SUPT5H: variants seen among roughly 807,000 people sequenced by gnomAD.
SUPT5H encodes the protein transcription elongation factor SPT5.
SUPT5H carries 24 observed loss-of-function variants against 142.5 expected under a neutral mutation model. The ratio of observed to expected loss-of-function variants is 0.17; its 90% CI spans 0.12 to 0.24. SUPT5H has a LOEUF of 0.24. Ranked by LOEUF, SUPT5H falls within the 10% of genes least tolerant of loss-of-function variation. The pLI, the probability that SUPT5H is intolerant of heterozygous loss-of-function variation, is 1.00. For synonymous variants in SUPT5H, 546 were observed against 553.0 expected (o/e 0.99, Z 0.18); for missense variants, 893 against 1,471.8 (o/e 0.61, Z 6.43).
chr19:39,472,943 C>G lies in SUPT5H; in HGVS notation c.2155+14C>G. The G allele has an allele frequency of 6.2e-7, 1 of 1,611,372 alleles. No homozygotes were observed. The highest frequency in any genetic ancestry group is 8.5e-7 in the Non-Finnish European group (1 of 1,178,530). On this transcript the variant is annotated intron_variant, in intron 22 of 29. Coordinates refer to ENST00000432763, the MANE Select transcript of SUPT5H (RefSeq NM_001111020.3). The surrounding 1 kb of genome is among the most constrained non-coding windows in gnomAD (Gnocchi z 4.2). The stretch of plus-strand genomic sequence containing the variant: ...GGCCCTACAAAGGTGACCTGCGAGG[C>G]CTGTGGAGGCCTGGGGAGGGGCATG...
Position 39,456,511 on chromosome 19 carries a change from C to T in SUPT5H, c.242-1164C>T, listed in dbSNP as rs143529362. Among the ~76,000 whole-genome samples the T allele has an allele frequency of 1.7e-3, 252 of 151,768 alleles. 1 individual carries two copies. The highest frequency in any genetic ancestry group is 2.8e-3 in the Non-Finnish European group (188 of 67,878). ...TTGGCTCACTGCAACCTCCACCTCC[C>T]GGGTTCAAGCAATTCTCTGCCTCAG... is the stretch of plus-strand genomic sequence containing the variant. On this transcript the variant is annotated intron_variant, in intron 3 of 29. Coordinates refer to ENST00000432763, the MANE Select transcript of SUPT5H (RefSeq NM_001111020.3).
intron 28 of SUPT5H, chr19:39,475,084 A>T (rs1171268089): frequency 9.4e-6 from 3 of 318,070 alleles, no homozygotes; most frequent in African/African-American, 6.5e-5. Context: ...TGGCTGGAAC[A>T]TAAAGAGCCA....
In SUPT5H at chr19:39,468,879, G is replaced by T. The variant is rs2304218; in HGVS notation, c.1143+18G>T. 48,722 of 1,612,658 alleles carry T rather than the reference G, an allele frequency of 0.03. 824 individuals carry two copies. The highest frequency in any genetic ancestry group is 0.041 in the East Asian group (1,858 of 44,862). On this transcript the variant is annotated intron_variant, in intron 14 of 29. Coordinates refer to ENST00000432763, the MANE Select transcript of SUPT5H (RefSeq NM_001111020.3). ...CTGCTGTGGTGAGGGTCCCAGAGGG[G>T]TGTTGGTAATGGGGGTGGTGTGAGT...
Position 39,469,135 on chromosome 19 carries a change from A to G in SUPT5H, c.1200A>G (p.Pro400=), listed in dbSNP as rs1411931929. The part of the protein sequence containing the change: ...LSELEKFEDQ[P]EGIDLEVVTE... ...AGCTGGAAAAGTTTGAGGACCAGCC[A>G]GAGGGCATTGACCTGGAGGTGGTGA... Residue 400 remains proline (P), a synonymous_variant, in exon 15 of 30, where the codon CCA becomes CCG. Coordinates refer to ENST00000432763, the MANE Select transcript of SUPT5H (RefSeq NM_001111020.3). This position sits in a 1 kb window ranked among gnomAD's most constrained non-coding sequence, Gnocchi z 5.1. The G allele has an allele frequency of 3.1e-6, 5 of 1,614,256 alleles. No individual in the cohort carries two copies. Among genetic ancestry groups the G allele is most frequent in the Non-Finnish European group, 4.2e-6 (5 of 1,180,044 alleles).
Position 39,464,751 on chromosome 19 carries a change from A to C in SUPT5H, c.625-47A>C, listed in dbSNP as rs374420821. The C allele has an allele frequency of 2.9e-5, 45 of 1,546,128 alleles. 1 individual carries two copies. Among genetic ancestry groups the C allele is most frequent in the African/African-American group, 5.5e-5 (4 of 73,290 alleles). On this transcript the variant is annotated intron_variant, in intron 10 of 29. Coordinates refer to ENST00000432763, the MANE Select transcript of SUPT5H (RefSeq NM_001111020.3). ...ATGAGTGGCAGTCATTTCTGTTATT[A>C]GCCGTTGTGTCTCACTGTTTCCTCC...
chr19:39,464,109 G>A (rs999970685), intron 10 of SUPT5H, among the ~76,000 whole-genome samples: 5 of 150,708 alleles, frequency 3.3e-5, no homozygotes, highest in African/African-American at 4.9e-5. Context: ...TCAGCCTCCC[G>A]TGTAGCTGGG....
chr19:39,468,729 A>G lies in SUPT5H; in HGVS notation c.1038-27A>G, dbSNP rs772599721. ...GATTTTCTTCTTGACTCTCCCTTCT[A>G]ATCTTCTCTCCCCCATCAAATTCCA... On this transcript the variant is annotated intron_variant, in intron 13 of 29. Coordinates refer to ENST00000432763, the MANE Select transcript of SUPT5H (RefSeq NM_001111020.3). The G allele has an allele frequency of 6.2e-6, 10 of 1,601,592 alleles. No individual in the cohort carries two copies. The South Asian group carries it at 8.8e-5, about 14-fold the overall frequency.
chr19:39,457,654 C>T, intron 3 of SUPT5H, 21 bp from the exon 4 acceptor site: 2 of 1,611,994 alleles, frequency 1.2e-6, no homozygotes, highest in Non-Finnish European at 1.7e-6. Flanking sequence ...TGCCACTTAC[C>T]ACTTGGCCTT....
chr19:39,475,448 T>C (rs112565568), intron 28 of SUPT5H, among the ~76,000 whole-genome samples: 8,180 of 149,462 alleles, frequency 0.055, 709 homozygotes, highest in African/African-American at 0.18. Flanking sequence ...GGCCCTGTCA[T>C]GCACCAGCCT....
At chr19:39,457,211 CG>C (rs1326151168) in intron 3 of SUPT5H, among the ~76,000 whole-genome samples, 1 of 152,092 alleles carries the variant, frequency 6.6e-6, no homozygotes, top group Non-Finnish European at 1.5e-5. Flanking sequence ...GTGCCTCCCT[CG>C]GGGTTGCCAG....
rs1324140281 is a variant in SUPT5H, at chr19:39,474,197, C to T, written c.2652-37C>T. Reference sequence around the variant, plus strand: ...TGCCACCACCTCTTTTCCCCTCCCTCCTCCAACAAATGCCCCCTTCTCTCC... The same window carrying T: ...TGCCACCACCTCTTTTCCCCTCCCTTCTCCAACAAATGCCCCCTTCTCTCC... On this transcript the variant is annotated intron_variant, in intron 26 of 29. Transcript: ENST00000432763. This position sits in a 1 kb window ranked among gnomAD's most constrained non-coding sequence, Gnocchi z 6.5. 1 of 1,613,458 alleles carries T rather than the reference C, an allele frequency of 6.2e-7. No individual in the cohort carries two copies. The highest frequency in any genetic ancestry group is 1.3e-5 in the African/African-American group (1 of 74,900).
Position 39,472,105 on chromosome 19 carries a change from G to T in SUPT5H, c.1951-304G>T, listed in dbSNP as rs2079329093. ...AAAACAGAATGGGCTCAGGAGACAG[G>T]GAGTGACCAGGGCTGCTGTTTTAGA... On this transcript the variant is annotated intron_variant, in intron 20 of 29. Transcript: ENST00000432763. The surrounding 1 kb of genome is among the most constrained non-coding windows in gnomAD (Gnocchi z 4.2). Among the ~76,000 whole-genome samples, 2 of 152,160 alleles carry T rather than the reference G, an allele frequency of 1.3e-5. No homozygotes were observed. Among genetic ancestry groups the T allele is most frequent in the Non-Finnish European group, 2.9e-5 (2 of 67,998 alleles).
chr19:39,446,899 C>G (rs978802838), intron 2 of SUPT5H, among the ~76,000 whole-genome samples: 1 of 152,210 alleles, frequency 6.6e-6, no homozygotes, highest in Admixed American at 6.5e-5. Flanking sequence ...ATCCCAGCTA[C>G]TCGGGAGGCT....
intron 2 of SUPT5H, among the ~76,000 whole-genome samples, chr19:39,450,227 C>T (rs2079003854): frequency 1.3e-5 from 2 of 152,110 alleles, no homozygotes; most frequent in African/African-American, 4.8e-5. Flanking sequence ...GTGTGAGCCC[C>T]CATGCCTAGC....
At chr19:39,450,528 C>T (rs1045628293) in intron 2 of SUPT5H, among the ~76,000 whole-genome samples, 4 of 152,196 alleles carry the variant, frequency 2.6e-5, no homozygotes, top group Non-Finnish European at 5.9e-5. Flanking sequence ...GCAGCTGAGG[C>T]CTAGTGTTGG....
Position 39,474,748 on chromosome 19 carries a change from AG to A in SUPT5H, c.3024+32del. The A allele has an allele frequency of 1.9e-6, 3 of 1,583,420 alleles. No homozygotes were observed. Among genetic ancestry groups the A allele is most frequent in the Non-Finnish European group, 2.6e-6 (3 of 1,164,532 alleles). ...GTGGGGCCCAGGGTGGTGGGTGAGC[AG>A]GCATCCTCTCCTTGGTACCCCCTAA... On this transcript the variant is annotated intron_variant, in intron 28 of 29. Coordinates refer to ENST00000432763, the MANE Select transcript of SUPT5H (RefSeq NM_001111020.3). This position sits in a 1 kb window ranked among gnomAD's most constrained non-coding sequence, Gnocchi z 6.5.
chr19:39,458,737 T>C lies in SUPT5H; in HGVS notation c.320-81T>C. On this transcript the variant is annotated intron_variant, in intron 5 of 29. Transcript: ENST00000432763. The surrounding 1 kb of genome is among the most constrained non-coding windows in gnomAD (Gnocchi z 4.2). ...CTGCCCCAGGGCCAAACCCTGGCCCTCTTAGCTGCACGCTCCTATTTTCTC... is the reference window on the plus strand; with the variant it reads ...CTGCCCCAGGGCCAAACCCTGGCCCCCTTAGCTGCACGCTCCTATTTTCTC... 2.2e-6 allele frequency: 3 copies of C among 1,366,988 alleles called. No individual in the cohort carries two copies. Among genetic ancestry groups the C allele is most frequent in the Non-Finnish European group, 3.0e-6 (3 of 997,882 alleles). The allele number at this position is 1,366,988 out of a possible 1,614,324, so 84.7% of individuals were successfully genotyped here. A position where few individuals can be genotyped will look rare whatever the true frequency, so the allele number is the denominator to read the frequency against.
Position 39,474,820 on chromosome 19 carries a change from A to G in SUPT5H, c.3024+102A>G. ...CAGATGGTGACAGCCCAGAGTGGGC[A>G]GAGCTGGGATTGAGGAAGCCTAGAG... On this transcript the variant is annotated intron_variant, in intron 28 of 29. Coordinates refer to ENST00000432763, the MANE Select transcript of SUPT5H (RefSeq NM_001111020.3). This position sits in a 1 kb window ranked among gnomAD's most constrained non-coding sequence, Gnocchi z 6.5. 2.2e-6 allele frequency: 3 copies of G among 1,340,608 alleles called. No individual in the cohort carries two copies. The highest frequency in any genetic ancestry group is 3.1e-6 in the Non-Finnish European group (3 of 972,182). The allele number at this position is 1,340,608 out of a possible 1,614,324, so 83.0% of individuals were successfully genotyped here. A position where few individuals can be genotyped will look rare whatever the true frequency, so the allele number is the denominator to read the frequency against.
chr19:39,458,012 C>T lies in SUPT5H; in HGVS notation c.307+272C>T, dbSNP rs529655558. 8.1e-6 allele frequency: 6 copies of T among 742,606 alleles called. No individual in the cohort carries two copies. Among genetic ancestry groups the T allele is most frequent in the East Asian group, 2.7e-5 (1 of 37,178 alleles). 46.0% of individuals were successfully genotyped at this position (742,606 alleles called of 1,614,324 possible). On this transcript the variant is annotated intron_variant, in intron 4 of 29. Transcript: ENST00000432763. The surrounding 1 kb of genome is among the most constrained non-coding windows in gnomAD (Gnocchi z 4.2). ...ATCCCTTCTGGGGTTGTAGGGTGGG[C>T]GAGCTCTGTCCCAAGATACCCCCCA... is the stretch of plus-strand genomic sequence containing the variant.
Sources: allele counts gnomAD v4.1 joint callset (sites outside exome capture counted in the v4.1 genomes callset), GRCh38; gene constraint gnomAD v4.1.1; non-coding constraint Gnocchi (gnomAD v3.1); transcripts MANE v1.5; gene names NCBI Gene and HGNC (gene_info 2026-07-23, HGNC 2026-07-21).